Variants in RANBP9 observed in about 807,000 individuals in gnomAD.
The protein encoded by RANBP9 is RAN binding protein 9.
In RANBP9, 15 loss-of-function variants were observed where a neutral mutation model predicts 84.3. The ratio of observed to expected loss-of-function variants is 0.18; its 90% CI spans 0.12 to 0.27. RANBP9 has a LOEUF of 0.27. Ranked by LOEUF, RANBP9 falls within the 10% of genes least tolerant of loss-of-function variation. The pLI, the probability that RANBP9 is intolerant of heterozygous loss-of-function variation, is 1.00. For synonymous variants in RANBP9, 392 were observed against 349.6 expected, an observed-to-expected ratio of 1.12 and a Z score of -1.35; for missense variants, 809 against 912.8, an observed-to-expected ratio of 0.89 and a Z score of 1.46.
chr6:13,683,253 C>T (rs1766087276), intron 2 of RANBP9, among the ~76,000 whole-genome samples: 1 of 152,130 alleles, frequency 6.6e-6, no homozygotes, highest in Non-Finnish European at 1.5e-5. Flanking sequence ...GTTAATCAAC[C>T]TAAGTGATTC....
intron 5 of RANBP9, among the ~76,000 whole-genome samples, chr6:13,646,584 A>T (rs1263648127): frequency 6.6e-6 from 1 of 152,256 alleles, no homozygotes; most frequent in East Asian, 1.9e-4. Flanking sequence ...AGACATTTTT[A>T]AAATGACTGC....
chr6:13,649,856 A>C (rs1023664496), intron 5 of RANBP9, among the ~76,000 whole-genome samples: 2 of 152,122 alleles, frequency 1.3e-5, no homozygotes, highest in Non-Finnish European at 2.9e-5. Context: ...CCCACAGCTG[A>C]AACTTTCTTG....
At chr6:13,673,451 A>G (rs552183484) in intron 2 of RANBP9, among the ~76,000 whole-genome samples, 85 of 152,348 alleles carry the variant, frequency 5.6e-4, no homozygotes, top group African/African-American at 1.9e-3. Context: ...AATCCTTATG[A>G]AGAAAGGGAG....
rs1764580828 is a variant in RANBP9, at chr6:13,625,643, C to G, written c.2059+10G>C. 6.4e-7 allele frequency: 1 copy of G among 1,572,780 alleles called. No individual in the cohort carries two copies. Among genetic ancestry groups the G allele is most frequent in the Non-Finnish European group, 8.7e-7 (1 of 1,143,704 alleles). ...CTAACTGAAATTGTGCCTTATTTGGCTTTACTTACCTAATATTGCACTGTT... is the reference window on the plus strand; with the variant it reads ...CTAACTGAAATTGTGCCTTATTTGGGTTTACTTACCTAATATTGCACTGTT... On this transcript the variant is annotated intron_variant, in intron 13 of 13. Transcript: ENST00000011619.
At chr6:13,694,545 T>C (rs1766397803) in intron 2 of RANBP9, among the ~76,000 whole-genome samples, 3 of 152,340 alleles carry the variant, frequency 2.0e-5, no homozygotes, top group Middle Eastern at 3.4e-3. Flanking sequence ...TGGGGGATGA[T>C]AGAGCTGTTC....
chr6:13,626,316 C>CA (rs1445048443), intron 12 of RANBP9, among the ~76,000 whole-genome samples: 8 of 152,220 alleles, frequency 5.3e-5, no homozygotes, highest in Non-Finnish European at 1.2e-4. Context: ...AAATGACTGA[C>CA]AGTCGTCTTC....
chr6:13,632,652 T>G, intron 11 of RANBP9, 131 bp from the exon 12 acceptor site: 2 of 873,964 alleles, frequency 2.3e-6, no homozygotes, highest in Non-Finnish European at 3.5e-6. Context: ...ATATGCAGAT[T>G]GTTAAAAATT....
intron 1 of RANBP9, among the ~76,000 whole-genome samples, chr6:13,698,355 G>C (rs1184676191): frequency 6.6e-6 from 1 of 152,154 alleles, no homozygotes; most frequent in Non-Finnish European, 1.5e-5. Flanking sequence ...ACTGAGCTAA[G>C]CAGCAGAAAA....
chr6:13,710,534 A>G (rs1209276228), intron 1 of RANBP9, among the ~76,000 whole-genome samples: 1 of 152,174 alleles, frequency 6.6e-6, no homozygotes, highest in Non-Finnish European at 1.5e-5. Flanking sequence ...TTGTAAGAGG[A>G]GAACGCCTGA....
chr6:13,706,644 G>A (rs1457432590), intron 1 of RANBP9, among the ~76,000 whole-genome samples: 1 of 150,790 alleles, frequency 6.6e-6, no homozygotes, highest in African/African-American at 2.4e-5. Context: ...AGTGAGCCAA[G>A]ATGGCGCCAC....
intron 1 of RANBP9, among the ~76,000 whole-genome samples, chr6:13,697,651 A>G (rs1190172349): frequency 1.3e-5 from 2 of 152,142 alleles, no homozygotes; most frequent in Admixed American, 6.5e-5. Flanking sequence ...CACTTCCCCT[A>G]CCTCTCGCCC....
At chr6:13,692,755 G>A (rs1330833913) in intron 2 of RANBP9, among the ~76,000 whole-genome samples, 1 of 151,734 alleles carries the variant, frequency 6.6e-6, no homozygotes. Context: ...GGAAGGCTGA[G>A]ACAGGCAGAA....
At chr6:13,689,273 C>CTT (rs774542899) in intron 2 of RANBP9, among the ~76,000 whole-genome samples, 13 of 142,822 alleles carry the variant, frequency 9.1e-5, no homozygotes, top group Admixed American at 6.3e-4. Context: ...ACTTTTTTTC[C>CTT]TTTTTTTTTT....
intron 4 of RANBP9, among the ~76,000 whole-genome samples, chr6:13,654,420 A>G (rs59798278): frequency 0.019 from 2,819 of 152,314 alleles, 95 homozygotes; most frequent in African/African-American, 0.063. Flanking sequence ...ATTTTCTCAA[A>G]TAAAACCTTT....
chr6:13,658,797 T>C lies in RANBP9; in HGVS notation c.719A>G (p.Asn240Ser). The C allele has an allele frequency of 6.3e-7, 1 of 1,576,550 alleles. No individual in the cohort carries two copies. Among genetic ancestry groups the C allele is most frequent in the South Asian group, 1.1e-5 (1 of 90,242 alleles). ...MGIGLSAQGV[N>S]MNRLPGWDKH... Reference sequence around the variant, plus strand: ...AAGTGTACCTGGTAGTCTATTCATGTTCACACCTTGAGCAGAAAGACCAAT... The same window carrying C: ...AAGTGTACCTGGTAGTCTATTCATGCTCACACCTTGAGCAGAAAGACCAAT... Residue 240 changes from asparagine (N) to serine (S), a missense_variant, in exon 3 of 14, where the codon AAC (asparagine) becomes AGC (serine). Physicochemically the swap from Asn to Ser is conservative, Grantham distance 46 (BLOSUM62 1). This residue lies in a region of RANBP9 where 56 missense variants were observed against 88.2 expected (regional missense o/e 0.63). Transcript: ENST00000011619.
intron 12 of RANBP9, among the ~76,000 whole-genome samples, chr6:13,631,938 C>T (rs1156923212): frequency 6.6e-6 from 1 of 152,090 alleles, no homozygotes; most frequent in African/African-American, 2.4e-5. Context: ...ATGTGTTATA[C>T]ATCCAAAATG....
chr6:13,670,388 A>G lies in RANBP9; in HGVS notation c.684-11556T>C, dbSNP rs1280519570. Among the ~76,000 whole-genome samples the G allele has an allele frequency of 2.0e-5, 3 of 152,234 alleles. No individual in the cohort carries two copies. The East Asian group carries it at 5.8e-4, about 29-fold the overall frequency. ...CAAAATGGATTAGAGAGCTAACTGA[A>G]GAGCTAAAACTATGAAACTCTTAGA... On this transcript the variant is annotated intron_variant, in intron 2 of 13. Coordinates refer to ENST00000011619, the MANE Select transcript of RANBP9 (RefSeq NM_005493.3).
At chr6:13,639,312 G>C (rs1351542461) in intron 9 of RANBP9, among the ~76,000 whole-genome samples, 3 of 152,114 alleles carry the variant, frequency 2.0e-5, no homozygotes, top group Non-Finnish European at 2.9e-5. Flanking sequence ...CCGAGTAGCT[G>C]GGACTACAGG....
Position 13,659,471 on chromosome 6 carries a change from C to G in RANBP9, c.684-639G>C, listed in dbSNP as rs946075911. Among the ~76,000 whole-genome samples the G allele has an allele frequency of 2.6e-5, 4 of 152,202 alleles. No individual in the cohort carries two copies. The East Asian group carries it at 7.7e-4, about 29-fold the overall frequency. On this transcript the variant is annotated intron_variant, in intron 2 of 13. Coordinates refer to ENST00000011619, the MANE Select transcript of RANBP9 (RefSeq NM_005493.3). ...TTATAAAGTTAGAACAAAACAGTCTCCACACAATACACAAGGGAAGATTAT... is the reference window on the plus strand; with the variant it reads ...TTATAAAGTTAGAACAAAACAGTCTGCACACAATACACAAGGGAAGATTAT...
Sources: gnomAD v4.1 joint callset for allele counts (sites outside exome capture counted in the v4.1 genomes callset) on GRCh38, gnomAD v4.1.1 for gene constraint, gnomAD v4.1.1 regional missense constraint, MANE v1.5 for transcripts, NCBI Gene and HGNC (gene_info 2026-07-23, HGNC 2026-07-21) for gene names.